Variants in IL1RAPL2 observed in about 807,000 individuals in gnomAD.
IL1RAPL2 encodes the protein interleukin 1 receptor accessory protein like 2.
Under a neutral mutation model 44.1 loss-of-function variants are expected in IL1RAPL2, and 3 were observed. The observed-to-expected ratio is 0.07, with a 90% confidence interval of 0.03 to 0.18. The LOEUF is 0.18. Ranked by LOEUF, IL1RAPL2 falls within the 10% of genes least tolerant of loss-of-function variation. The pLI is 1.00. For missense variants in IL1RAPL2, 391 were observed against 496.4 expected, an observed-to-expected ratio of 0.79 and a Z score of 2.02; for synonymous variants, 181 against 178.8, an observed-to-expected ratio of 1.01 and a Z score of -0.10.
At chrX:105,427,744 G>A (rs2035820708) in intron 5 of IL1RAPL2, among the ~76,000 whole-genome samples, 3 of 112,053 alleles carry the variant, frequency 2.7e-5, no homozygotes, top group South Asian at 7.3e-4. Flanking sequence ...TTGTGTGAGG[G>A]CAACATGTGT....
At position 105,090,365 on chromosome X, in the gene IL1RAPL2, TG is replaced by T. The variant is rs763635454; in HGVS notation, c.83-105105del. 2.1e-4 allele frequency among the ~76,000 whole-genome samples: 24 copies of T among 111,810 alleles called. No individual in the cohort carries two copies. The East Asian group carries it at 4.8e-3, about 22-fold the overall frequency. On this transcript the variant is annotated intron_variant, in intron 2 of 10. Transcript: ENST00000372582. Reference sequence around the variant, plus strand: ...AAATACTGTATTTTCTATGTTTAACTGGGGGAAAAAAGTATGTATAAGTAGA... The same window carrying T: ...AAATACTGTATTTTCTATGTTTAACTGGGGAAAAAAGTATGTATAAGTAGA...
At chrX:104,870,774 C>T (rs1922740256) in intron 2 of IL1RAPL2, among the ~76,000 whole-genome samples, 1 of 111,599 alleles carries the variant, frequency 9.0e-6, no homozygotes, top group African/African-American at 3.3e-5. Context: ...CTATTCTGTC[C>T]TCCTAAAAGA....
In IL1RAPL2 at chrX:105,466,433, G is replaced by T. The variant is rs761890574; in HGVS notation, c.698-17880G>T. On this transcript the variant is annotated intron_variant, in intron 5 of 10. Transcript: ENST00000372582. ...ATGTTTCAGGATGGCAGAACAGTCT[G>T]CATGAGTGCTCTGATTGGTTATAGA... 1.5e-4 allele frequency among the ~76,000 whole-genome samples: 17 copies of T among 111,463 alleles called. No homozygotes were observed. The East Asian group carries it at 4.9e-3, about 32-fold the overall frequency.
intron 6 of IL1RAPL2, among the ~76,000 whole-genome samples, chrX:105,567,874 CAG>C (rs1222573107): frequency 1.8e-5 from 2 of 110,628 alleles, no homozygotes; most frequent in African/African-American, 6.6e-5. Flanking sequence ...TAGGGATTTG[CAG>C]AGAGTTTTCT....
intron 2 of IL1RAPL2, among the ~76,000 whole-genome samples, chrX:104,716,430 G>T (rs1204365440): frequency 9.0e-6 from 1 of 111,346 alleles, no homozygotes; most frequent in Non-Finnish European, 1.9e-5. Flanking sequence ...TTGACAAATT[G>T]GATCTAATTA....
intron 6 of IL1RAPL2, among the ~76,000 whole-genome samples, chrX:105,512,532 A>C: frequency 8.9e-6 from 1 of 111,912 alleles, no homozygotes. Flanking sequence ...TTATTTGTCT[A>C]GAAATCTTAC....
At chrX:105,022,460 C>T (rs1214331518) in intron 2 of IL1RAPL2, among the ~76,000 whole-genome samples, 1 of 111,621 alleles carries the variant, frequency 9.0e-6, no homozygotes, top group Non-Finnish European at 1.9e-5. Context: ...TCCTTCTCTC[C>T]TCTGTCTCAA....
intron 2 of IL1RAPL2, among the ~76,000 whole-genome samples, chrX:105,191,632 T>C (rs532969404): frequency 1.4e-4 from 16 of 112,449 alleles, no homozygotes; most frequent in African/African-American, 3.6e-4. Context: ...ATTGTTCTTT[T>C]AAATACTGAA....
At chrX:105,581,742 T>C (rs898101690) in intron 6 of IL1RAPL2, among the ~76,000 whole-genome samples, 20 of 111,532 alleles carry the variant, frequency 1.8e-4, no homozygotes, top group African/African-American at 6.2e-4. Flanking sequence ...TTGATGACAT[T>C]GTTATACTGC....
At chrX:104,581,100 C>G (rs1928335505) in intron 1 of IL1RAPL2, among the ~76,000 whole-genome samples, 1 of 112,341 alleles carries the variant, frequency 8.9e-6, no homozygotes, top group African/African-American at 3.2e-5. Context: ...TAAATATAAC[C>G]AACAACTTGC....
intron 1 of IL1RAPL2, among the ~76,000 whole-genome samples, chrX:104,609,974 C>T (rs1162772028): frequency 1.8e-5 from 2 of 111,975 alleles, no homozygotes; most frequent in African/African-American, 6.5e-5. Flanking sequence ...TGGTTTCTCC[C>T]CATCTTTGTG....
chrX:105,483,552 G>A (rs932867310), intron 5 of IL1RAPL2, among the ~76,000 whole-genome samples: 2 of 110,494 alleles, frequency 1.8e-5, no homozygotes, highest in African/African-American at 6.6e-5. Context: ...CATCCCTTAA[G>A]TTTCGTATGG....
At chrX:105,583,565 T>C (rs2037105175) in intron 6 of IL1RAPL2, among the ~76,000 whole-genome samples, 1 of 112,424 alleles carries the variant, frequency 8.9e-6, no homozygotes, top group South Asian at 3.6e-4. Flanking sequence ...CATAAAGTTG[T>C]TTATAACATC....
At chrX:104,876,668 TC>T (rs2070994764) in intron 2 of IL1RAPL2, among the ~76,000 whole-genome samples, 1 of 105,185 alleles carries the variant, frequency 9.5e-6, no homozygotes, top group South Asian at 4.2e-4. Context: ...TTTTTTTTTT[TC>T]AAGGGACATG....
chrX:105,553,942 T>G (rs1007246409), intron 6 of IL1RAPL2, among the ~76,000 whole-genome samples: 9 of 112,971 alleles, frequency 8.0e-5, no homozygotes, highest in Non-Finnish European at 1.9e-5. Context: ...TTGAAAAGCA[T>G]TATCTTCAAC....
intron 5 of IL1RAPL2, among the ~76,000 whole-genome samples, chrX:105,287,517 G>A (rs1299344316): frequency 8.9e-6 from 1 of 111,763 alleles, no homozygotes. Flanking sequence ...GGAAGGGTGT[G>A]GGTGTGACAT....
chrX:104,580,673 G>A (rs1928328520), intron 1 of IL1RAPL2, among the ~76,000 whole-genome samples: 1 of 112,202 alleles, frequency 8.9e-6, no homozygotes. Context: ...AAACTGATGT[G>A]TATAAAAGGT....
intron 6 of IL1RAPL2, among the ~76,000 whole-genome samples, chrX:105,549,488 T>C (rs1276667654): frequency 1.8e-5 from 2 of 111,228 alleles, no homozygotes; most frequent in African/African-American, 6.6e-5. Context: ...CAGCCTCCTG[T>C]TGTCACCTCC....
intron 5 of IL1RAPL2, among the ~76,000 whole-genome samples, chrX:105,290,983 TC>T (rs2034608266): frequency 1.8e-5 from 2 of 111,496 alleles, no homozygotes; most frequent in Non-Finnish European, 3.8e-5. Flanking sequence ...TCAAATGAGA[TC>T]CACAGCTGGG....
Sources: allele counts gnomAD v4.1 joint callset (sites outside exome capture counted in the v4.1 genomes callset), GRCh38; gene constraint gnomAD v4.1.1; transcripts MANE v1.5; gene names NCBI Gene and HGNC (gene_info 2026-07-23, HGNC 2026-07-21).